Variants in NAMPT observed in about 807,000 individuals in gnomAD.
NAMPT encodes NAmPRTase.
A neutral mutation model predicts 58.7 loss-of-function variants in NAMPT; 7 were observed. The observed-to-expected ratio is 0.12, with a 90% CI of 0.07 to 0.22. NAMPT has a LOEUF of 0.22. Among genes scored for constraint, NAMPT ranks in the 10% least tolerant of loss-of-function variants. The pLI, the probability that NAMPT is intolerant of heterozygous loss-of-function variation, is 1.00. For synonymous variants in NAMPT, 145 were observed against 198.1 expected (o/e 0.73, Z 2.25); for missense variants, 271 against 567.9 (o/e 0.48, Z 5.31).
At chr7:106,268,317 C>T in intron 6 of NAMPT, 147 bp downstream of exon 6, 2 of 715,502 alleles carry the variant, frequency 2.8e-6, no homozygotes, top group Non-Finnish European at 4.6e-6. Flanking sequence ...AATGTTTATA[C>T]TTTTGTATAA....
At chr7:106,255,321 T>C (rs531193676) in intron 8 of NAMPT, among the ~76,000 whole-genome samples, 2 of 152,318 alleles carry the variant, frequency 1.3e-5, no homozygotes, top group African/African-American at 2.4e-5. Flanking sequence ...ATGTGGCAAG[T>C]GAAGTTTGGT....
At chr7:106,284,118 A>G (rs1212284494) in intron 1 of NAMPT, among the ~76,000 whole-genome samples, 2 of 152,188 alleles carry the variant, frequency 1.3e-5, no homozygotes, top group Admixed American at 6.5e-5. Flanking sequence ...AAATCCTGTA[A>G]TGACCCTAAA....
chr7:106,263,354 G>C (rs1792346555), intron 7 of NAMPT, 38 bp downstream of exon 7: 2 of 1,438,072 alleles, frequency 1.4e-6, no homozygotes, highest in African/African-American at 1.4e-5. Context: ...CTGGCCTACA[G>C]AGGGATTCTA....
chr7:106,259,054 G>A (rs993808122), intron 8 of NAMPT, among the ~76,000 whole-genome samples: 1 of 152,152 alleles, frequency 6.6e-6, no homozygotes, highest in African/African-American at 2.4e-5. Context: ...ACTGATATTC[G>A]AAGTCCTTTG....
rs758784669 is a variant in NAMPT at position 106,269,209 on chromosome 7, T to C, written c.551A>G (p.Asp184Gly). Reference protein sequence around the residue: ...KYLLETSGNLDGLEYKLHDFG... With the variant: ...KYLLETSGNLGGLEYKLHDFG... ...ATCATGTAACTTGTATTCCAGACCA[T>C]CTAAGTTACCAGAAGTTTCTAACAA... Residue 184 changes from aspartate to glycine, a missense_variant, in exon 5 of 11, where the codon GAT becomes GGT. Coordinates refer to ENST00000222553, the MANE Select transcript of NAMPT (RefSeq NM_005746.3). The C allele has an allele frequency of 1.9e-6, 3 of 1,613,496 alleles. No homozygotes were observed. Among genetic ancestry groups the C allele is most frequent in the Admixed American group, 1.7e-5 (1 of 59,902 alleles).
intron 3 of NAMPT, among the ~76,000 whole-genome samples, chr7:106,274,505 T>A (rs1792597389): frequency 6.6e-6 from 1 of 152,060 alleles, no homozygotes; most frequent in African/African-American, 2.4e-5. Context: ...GGCTATGAAA[T>A]AGCCATTATA....
intron 4 of NAMPT, chr7:106,271,854 A>G: frequency 6.3e-6 from 1 of 157,498 alleles, no homozygotes; most frequent in Non-Finnish European, 1.5e-5. Flanking sequence ...TTTCGAGGGT[A>G]TTTCCTCTCA....
chr7:106,271,943 GACT>G (rs1255084692), intron 4 of NAMPT: 2 of 184,554 alleles, frequency 1.1e-5, no homozygotes, highest in Non-Finnish European at 2.6e-5. Flanking sequence ...GAAAACATAT[GACT>G]ACTTAGGTAT....
intron 6 of NAMPT, 44 bp from the exon 7 acceptor site, chr7:106,263,661 T>C: frequency 7.1e-7 from 1 of 1,416,306 alleles, no homozygotes; most frequent in Non-Finnish European, 1.0e-6. Context: ...GGCAGACACT[T>C]GATCTATCCC....
At chr7:106,278,763 A>G (rs1310757097) in intron 1 of NAMPT, among the ~76,000 whole-genome samples, 3 of 152,238 alleles carry the variant, frequency 2.0e-5, no homozygotes, top group Non-Finnish European at 4.4e-5. Flanking sequence ...TCCAGTTTAC[A>G]ATGTAAATAA....
chr7:106,279,199 C>G (rs1400458635), intron 1 of NAMPT, among the ~76,000 whole-genome samples: 1 of 152,092 alleles, frequency 6.6e-6, no homozygotes, highest in African/African-American at 2.4e-5. Context: ...TCTCTGAAAA[C>G]AAATACCATT....
intron 10 of NAMPT, among the ~76,000 whole-genome samples, chr7:106,251,495 TC>T (rs1215057106): frequency 6.6e-6 from 1 of 152,070 alleles, no homozygotes; most frequent in Non-Finnish European, 1.5e-5. Context: ...ATCTTTTTTT[TC>T]CTCAGGCTGA....
upstream of NAMPT, chr7:106,285,361 G>C: frequency 4.6e-6 from 2 of 438,388 alleles, no homozygotes; most frequent in Non-Finnish European, 6.1e-6. Flanking sequence ...GCGGGGCCTG[G>C]AGGGGGCGTT....
intron 7 of NAMPT, 83 bp downstream of exon 7, chr7:106,263,309 T>C: frequency 2.1e-6 from 2 of 973,702 alleles, no homozygotes; most frequent in Non-Finnish European, 1.6e-6. Context: ...GCTCTGAAAT[T>C]GTGTGTATAT....
Position 106,261,830 on chromosome 7 carries a change from T to G in NAMPT, c.970-123A>C. ...TATAAAAATTAACTACTTTAAAAAT[T>G]TTATAACACTATGTATATGCTCTCT... On this transcript the variant is annotated intron_variant, in intron 7 of 10. Coordinates refer to ENST00000222553, the MANE Select transcript of NAMPT (RefSeq NM_005746.3). The G allele has an allele frequency of 4.0e-6, 4 of 1,006,910 alleles. No homozygotes were observed. In the South Asian group the frequency reaches 6.3e-5, roughly 16 times the overall value. 62.4% of individuals were successfully genotyped at this position (1,006,910 alleles called of 1,614,324 possible). A position where few individuals can be genotyped will look rare whatever the true frequency, so the allele number is the denominator to read the frequency against.
chr7:106,265,041 T>C (rs1339326561), intron 6 of NAMPT, among the ~76,000 whole-genome samples: 1 of 152,174 alleles, frequency 6.6e-6, no homozygotes, highest in Non-Finnish European at 1.5e-5. Context: ...GTGAACACTC[T>C]TCTTAACAGC....
chr7:106,263,256 T>C, intron 7 of NAMPT, 136 bp downstream of exon 7: 1 of 657,342 alleles, frequency 1.5e-6, no homozygotes, highest in South Asian at 2.0e-5. Context: ...TCTATTACTC[T>C]CTCTGGGCTG....
intron 1 of NAMPT, among the ~76,000 whole-genome samples, chr7:106,277,410 T>C (rs1400952029): frequency 6.6e-6 from 1 of 152,164 alleles, no homozygotes; most frequent in East Asian, 1.9e-4. Context: ...GCACACTAAA[T>C]CTACTACAAG....
chr7:106,282,483 C>A (rs969407634), intron 1 of NAMPT, among the ~76,000 whole-genome samples: 1 of 152,164 alleles, frequency 6.6e-6, no homozygotes, highest in Non-Finnish European at 1.5e-5. Flanking sequence ...ATGGATAATG[C>A]GGTTTAAACG....
Sources: gnomAD v4.1 joint callset for allele counts (sites outside exome capture counted in the v4.1 genomes callset) on GRCh38, gnomAD v4.1.1 for gene constraint, MANE v1.5 for transcripts, NCBI Gene and HGNC (gene_info 2026-07-23, HGNC 2026-07-21) for gene names.